BDKRB2: variants seen among roughly 807,000 people sequenced by gnomAD.
BDKRB2 encodes the protein B2 bradykinin receptor.
Under a neutral mutation model 4.0 loss-of-function variants are expected in BDKRB2, and 6 were observed. That is an observed-to-expected ratio of 1.49 (90% CI 0.81 to 2.93). The LOEUF (loss-of-function observed/expected upper bound fraction) is 2.93, where lower values mean the gene tolerates loss of function less well. Among genes scored for constraint, BDKRB2 ranks in the 30% most tolerant of loss-of-function variants. BDKRB2 has a pLI of 0.00. For synonymous variants in BDKRB2, 225 were observed against 215.3 expected (o/e 1.05, Z -0.40); for missense variants, 478 against 520.1 (o/e 0.92, Z 0.79).
Position 96,241,814 on chromosome 14 carries a change from G to T in BDKRB2, c.*310G>T. 3.9e-6 allele frequency: 1 copy of T among 258,132 alleles called. No homozygotes were observed. The allele number at this position is 258,132 out of a possible 1,614,324, so 16.0% of individuals were successfully genotyped here. A position where few individuals can be genotyped will look rare whatever the true frequency, so the allele number is the denominator to read the frequency against. On this transcript the variant is annotated 3_prime_UTR_variant, in exon 3 of 3. Transcript: ENST00000554311. ...GGAGGAGGCCTGGGGGCAGGGAGAG[G>T]AGTGACTGAGCTTCCCTCCCGTGTG...
At chr14:96,225,364 T>C (rs1041806916) in intron 1 of BDKRB2, among the ~76,000 whole-genome samples, 1 of 152,100 alleles carries the variant, frequency 6.6e-6, no homozygotes, top group Non-Finnish European at 1.5e-5. Flanking sequence ...CTAGGGATCT[T>C]GGCTGGCTGA....
chr14:96,226,361 G>A (rs1423505553), intron 1 of BDKRB2, among the ~76,000 whole-genome samples: 1 of 152,178 alleles, frequency 6.6e-6, no homozygotes, highest in African/African-American at 2.4e-5. Context: ...ATTTTAAAAA[G>A]CAAAGTGGCA....
intron 1 of BDKRB2, among the ~76,000 whole-genome samples, chr14:96,224,414 G>A (rs575247575): frequency 1.3e-5 from 2 of 152,280 alleles, no homozygotes; most frequent in South Asian, 4.1e-4. Context: ...GATAATATTA[G>A]TCCCTACATT....
In BDKRB2 at chr14:96,238,783, A is replaced by G; in HGVS notation, c.74+1602A>G. 4.1e-6 allele frequency: 4 copies of G among 985,016 alleles called. No homozygotes were observed. In the South Asian group the frequency reaches 1.4e-4, roughly 35 times the overall value. 61.0% of individuals were successfully genotyped at this position (985,016 alleles called of 1,614,324 possible). A position where few individuals can be genotyped will look rare whatever the true frequency, so the allele number is the denominator to read the frequency against. On this transcript the variant is annotated intron_variant, in intron 2 of 2. Transcript: ENST00000554311. ...TAGAGTCACCTCCAACCCCTTACCCACCAGCCCCCTCTCCAAGTCTGTGTC... is the reference window on the plus strand; with the variant it reads ...TAGAGTCACCTCCAACCCCTTACCCGCCAGCCCCCTCTCCAAGTCTGTGTC...
At chr14:96,231,720 G>T (rs1285088522) in intron 1 of BDKRB2, among the ~76,000 whole-genome samples, 1 of 152,222 alleles carries the variant, frequency 6.6e-6, no homozygotes. Context: ...AGCGAATATT[G>T]TTCAAGAGTT....
chr14:96,219,009 AC>A (rs1463761273), intron 1 of BDKRB2, among the ~76,000 whole-genome samples: 1 of 152,024 alleles, frequency 6.6e-6, no homozygotes, highest in African/African-American at 2.4e-5. Flanking sequence ...AGTGCTTTGA[AC>A]AGAGCTGGCA....
In BDKRB2 at chr14:96,241,153, G is replaced by C; in HGVS notation, c.825G>C (p.Val275=). Residue 275 remains valine, a synonymous_variant, in exon 3 of 3, where the codon GTG becomes GTC. Coordinates refer to ENST00000554311, the MANE Select transcript of BDKRB2 (RefSeq NM_001379692.1). ...GGGCCACGGTGCTAGTCCTGGTTGT[G>C]CTGCTGCTATTCATCATCTGCTGGC... ...ERRATVLVLV[V]LLLFIICWLP... 1 of 1,607,818 alleles carries C rather than the reference G, an allele frequency of 6.2e-7. No individual in the cohort carries two copies. Among genetic ancestry groups the C allele is most frequent in the South Asian group, 1.1e-5 (1 of 90,812 alleles).
chr14:96,216,727 AGGAGGAAGGAGGAGGAGGAGGAAGGAGG>A (rs1566688882), intron 1 of BDKRB2, among the ~76,000 whole-genome samples: 14 of 94,622 alleles, frequency 1.5e-4, no homozygotes, highest in African/African-American at 2.1e-4. Flanking sequence ...AGGAAGGAGG[AGGAGGAAGGAGGAGGAGGAGGAAGGAGG>A]AGGAGGAGGA....
chr14:96,216,637 A>T (rs1890422263), intron 1 of BDKRB2, among the ~76,000 whole-genome samples: 1 of 148,920 alleles, frequency 6.7e-6, no homozygotes, highest in South Asian at 2.1e-4. Flanking sequence ...AAAGAAAAAG[A>T]AGAGAGAAGA....
chr14:96,234,448 A>T (rs958214098), intron 1 of BDKRB2, among the ~76,000 whole-genome samples: 1 of 152,130 alleles, frequency 6.6e-6, no homozygotes, highest in Non-Finnish European at 1.5e-5. Flanking sequence ...CCAAACCCAA[A>T]GAGAAGCCGG....
intron 2 of BDKRB2, chr14:96,240,076 T>C (rs919165790): frequency 5.0e-5 from 53 of 1,066,022 alleles, no homozygotes; most frequent in Non-Finnish European, 5.9e-5. Context: ...ATGTGAATCC[T>C]CCCATCACGG....
intron 1 of BDKRB2, among the ~76,000 whole-genome samples, chr14:96,210,182 G>T (rs750897658): frequency 3.9e-5 from 6 of 152,158 alleles, no homozygotes; most frequent in Non-Finnish European, 7.3e-5. Context: ...TGAAGGCAAA[G>T]ATCCTGGGGC....
chr14:96,225,445 C>A (rs1890672674), intron 1 of BDKRB2, among the ~76,000 whole-genome samples: 1 of 147,796 alleles, frequency 6.8e-6, no homozygotes, highest in African/African-American at 2.6e-5. Flanking sequence ...TAAGATGTCG[C>A]TTGATATCCT....
At chr14:96,234,265 C>T (rs1038726124) in intron 1 of BDKRB2, among the ~76,000 whole-genome samples, 11 of 152,290 alleles carry the variant, frequency 7.2e-5, no homozygotes, top group South Asian at 4.1e-4. Flanking sequence ...AGGGCTGGTA[C>T]GGCAAAGCCT....
intron 1 of BDKRB2, among the ~76,000 whole-genome samples, chr14:96,220,754 C>A (rs1441152709): frequency 6.6e-6 from 1 of 151,908 alleles, no homozygotes; most frequent in Non-Finnish European, 1.5e-5. Context: ...TGCCAACTGC[C>A]CCCCACCTTT....
intron 1 of BDKRB2, among the ~76,000 whole-genome samples, chr14:96,218,217 T>C (rs926060909): frequency 2.0e-5 from 3 of 152,118 alleles, no homozygotes; most frequent in African/African-American, 7.3e-5. Flanking sequence ...TTTGGACAGG[T>C]CACCTCCCTC....
chr14:96,214,210 G>A (rs1006402038), intron 1 of BDKRB2, among the ~76,000 whole-genome samples: 5 of 152,204 alleles, frequency 3.3e-5, no homozygotes, highest in Non-Finnish European at 5.9e-5. Flanking sequence ...ACAGCCGCAG[G>A]GACTTTCCCT....
At position 96,240,835 on chromosome 14, in the gene BDKRB2, C is replaced by T. The variant is rs150911844; in HGVS notation, c.507C>T (p.Arg169=). 215 of 1,559,808 alleles carry T rather than the reference C, an allele frequency of 1.4e-4. 3 individuals are homozygous for T. The South Asian group carries it at 1.8e-3, about 13-fold the overall frequency. Residue 169 remains arginine, a synonymous_variant, in exon 3 of 3, where the codon CGC becomes CGT. Transcript: ENST00000554311. ...AAACCATGTCCATGGGCCGGATGCG[C>T]GGCGTGCGCTGGGCCAAGCTCTACA... ...LVKTMSMGRM[R]GVRWAKLYSL...
At chr14:96,235,838 C>G (rs1379548507) in intron 1 of BDKRB2, among the ~76,000 whole-genome samples, 2 of 152,194 alleles carry the variant, frequency 1.3e-5, no homozygotes, top group Non-Finnish European at 2.9e-5. Flanking sequence ...CACACCTGCA[C>G]TCACACACTT....
Sources: allele counts gnomAD v4.1 joint callset (sites outside exome capture counted in the v4.1 genomes callset), GRCh38; gene constraint gnomAD v4.1.1; transcripts MANE v1.5; gene names NCBI Gene and HGNC (gene_info 2026-07-23, HGNC 2026-07-21).